Variants in FAM156A observed in about 807,000 individuals in gnomAD.
FAM156A encodes protein FAM156A/FAM156B.
chrX:52,979,205 C>T (rs187444348), intron 1 of FAM156A, among the ~76,000 whole-genome samples: 1 of 111,582 alleles, frequency 9.0e-6, no homozygotes, highest in Admixed American at 9.5e-5. Context: ...GGCCTCACAA[C>T]TCCTACTGGC....
intron 1 of FAM156A, among the ~76,000 whole-genome samples, chrX:52,992,604 T>C (rs1282367534): frequency 2.1e-5 from 2 of 93,408 alleles, no homozygotes; most frequent in East Asian, 7.4e-4. Context: ...CTTGTGAGTC[T>C]TTTTTTTTTT....
chrX:52,983,125 T>G (rs1930018220), intron 1 of FAM156A, among the ~76,000 whole-genome samples: 1 of 112,461 alleles, frequency 8.9e-6, no homozygotes, highest in South Asian at 3.7e-4. Flanking sequence ...TCCTGGCACA[T>G]GCCTGTGATC....
At chrX:52,991,760 C>T (rs5991845) in intron 1 of FAM156A, among the ~76,000 whole-genome samples, 1,169 of 105,905 alleles carry the variant, frequency 0.011, no homozygotes, top group Middle Eastern at 0.036. Flanking sequence ...AGTGGCCCCC[C>T]AAACACATCC....
intron 1 of FAM156A, among the ~76,000 whole-genome samples, chrX:52,985,388 G>A (rs781843122): frequency 1.8e-5 from 2 of 111,719 alleles, no homozygotes; most frequent in South Asian, 7.4e-4. Context: ...AAAATTTGCA[G>A]GATGCAGCTA....
chrX:52,986,806 C>T (rs1317825033), intron 1 of FAM156A, among the ~76,000 whole-genome samples: 1 of 111,640 alleles, frequency 9.0e-6, no homozygotes, highest in Non-Finnish European at 1.9e-5. Context: ...CAAGGTTGCT[C>T]ATTCTCACCC....
chrX:52,994,494 C>A (rs900113046), intron 1 of FAM156A, among the ~76,000 whole-genome samples: 2 of 110,800 alleles, frequency 1.8e-5, no homozygotes, highest in East Asian at 2.8e-4. Context: ...GGGCAGAGAC[C>A]CCTCCCTCCT....
At chrX:52,975,574 A>T (rs782701325) in intron 1 of FAM156A, among the ~76,000 whole-genome samples, 9 of 111,918 alleles carry the variant, frequency 8.0e-5, no homozygotes, top group African/African-American at 2.9e-4. Context: ...TGACCACAAC[A>T]ACCTATATGT....
intron 1 of FAM156A, among the ~76,000 whole-genome samples, chrX:52,990,511 C>T (rs924606731): frequency 4.5e-5 from 5 of 111,416 alleles, no homozygotes; most frequent in East Asian, 2.8e-4. Flanking sequence ...TGGCCAGGTA[C>T]GGTGGCTCAT....
chrX:52,990,460 CAG>C (rs1930617372), intron 1 of FAM156A, among the ~76,000 whole-genome samples: 1 of 111,225 alleles, frequency 9.0e-6, no homozygotes, highest in East Asian at 2.8e-4. Context: ...GGGCTGAGGA[CAG>C]AATGAGCAGG....
intron 1 of FAM156A, among the ~76,000 whole-genome samples, chrX:52,993,616 T>C (rs1265988719): frequency 4.5e-5 from 5 of 110,091 alleles, no homozygotes; most frequent in Non-Finnish European, 9.5e-5. Context: ...GGTTTCATCA[T>C]GTTGGCCAGG....
chrX:52,975,093 C>CACACAT (rs1556791832), intron 1 of FAM156A, among the ~76,000 whole-genome samples: 5 of 106,025 alleles, frequency 4.7e-5, no homozygotes, highest in Non-Finnish European at 9.8e-5. Context: ...CACACACACA[C>CACACAT]ATTCCCTTGG....
intron 1 of FAM156A, among the ~76,000 whole-genome samples, chrX:52,981,315 T>C (rs1352144085): frequency 9.0e-6 from 1 of 111,333 alleles, no homozygotes; most frequent in Non-Finnish European, 1.9e-5. Context: ...CAAGTCTCCA[T>C]TTCAGGCTCA....
intron 1 of FAM156A, among the ~76,000 whole-genome samples, chrX:52,989,763 C>G (rs1930564773): frequency 8.9e-6 from 1 of 112,167 alleles, no homozygotes; most frequent in Non-Finnish European, 1.9e-5. Flanking sequence ...TGGCCAGGAT[C>G]TGGCTGGGGG....
At chrX:52,976,435 C>T (rs6643510) in intron 1 of FAM156A, among the ~76,000 whole-genome samples, 1 of 110,252 alleles carries the variant, frequency 9.1e-6, no homozygotes, top group East Asian at 2.8e-4. Context: ...CAGATCAGGA[C>T]TCCATCTCAA....
chrX:52,975,800 C>G, intron 1 of FAM156A, among the ~76,000 whole-genome samples: 1 of 112,226 alleles, frequency 8.9e-6, no homozygotes, highest in East Asian at 2.8e-4. Context: ...CCATGTGCTG[C>G]CAAATTGCGC....
intron 1 of FAM156A, among the ~76,000 whole-genome samples, chrX:52,982,890 T>C (rs190334593): frequency 3.5e-4 from 40 of 113,180 alleles, no homozygotes; most frequent in Non-Finnish European, 5.2e-4. Context: ...CAGCTCTGCA[T>C]TGAATGGTCA....
intron 1 of FAM156A, among the ~76,000 whole-genome samples, chrX:52,979,458 T>A (rs1294078834): frequency 9.0e-6 from 1 of 110,951 alleles, no homozygotes; most frequent in Non-Finnish European, 1.9e-5. Context: ...AGGACCAATG[T>A]CTTCCCTTCA....
chrX:52,982,224 T>G (rs927932284), intron 1 of FAM156A, among the ~76,000 whole-genome samples: 7 of 112,066 alleles, frequency 6.2e-5, no homozygotes, highest in Admixed American at 9.5e-5. Context: ...AAGGCCAAGG[T>G]GGGTGGATCA....
At chrX:52,988,865 T>A (rs1477998919) in intron 1 of FAM156A, among the ~76,000 whole-genome samples, 1 of 112,093 alleles carries the variant, frequency 8.9e-6, no homozygotes, top group Non-Finnish European at 1.9e-5. Context: ...TGTAGTTGGG[T>A]TGTTTCCAGT....
Sources: allele counts gnomAD v4.1 joint callset (sites outside exome capture counted in the v4.1 genomes callset), GRCh38; gene constraint gnomAD v4.1.1; transcripts MANE v1.5; gene names NCBI Gene and HGNC (gene_info 2026-07-23, HGNC 2026-07-21).